MEOX2: variants seen among roughly 807,000 people sequenced by gnomAD.
The protein encoded by MEOX2 is homeobox protein MOX-2.
A neutral mutation model predicts 27.0 loss-of-function variants in MEOX2; 11 were observed. The ratio of observed to expected loss-of-function variants is 0.41; its 90% CI spans 0.26 to 0.68. The LOEUF (loss-of-function observed/expected upper bound fraction) is 0.68, where lower values mean the gene tolerates loss of function less well. Among genes scored for constraint, MEOX2 ranks in the 30% least tolerant of loss-of-function variants. The pLI, the probability that MEOX2 is intolerant of heterozygous loss-of-function variation, is 0.33. For synonymous variants in MEOX2, 189 were observed against 155.4 expected (o/e 1.22, Z -1.61); for missense variants, 436 against 385.4 (o/e 1.13, Z -1.10).
intron 1 of MEOX2, among the ~76,000 whole-genome samples, chr7:15,660,874 A>G (rs1159121160): frequency 1.3e-5 from 2 of 151,882 alleles, no homozygotes; most frequent in Non-Finnish European, 2.9e-5. Context: ...TCAGCCAGGC[A>G]TGATGGCGGG....
chr7:15,670,258 G>T (rs1316524018), intron 1 of MEOX2, among the ~76,000 whole-genome samples: 1 of 152,174 alleles, frequency 6.6e-6, no homozygotes, highest in Non-Finnish European at 1.5e-5. Flanking sequence ...TCAAAACAAT[G>T]AATGCATTTT....
intron 1 of MEOX2, chr7:15,680,028 A>C (rs1782267562): frequency 6.6e-6 from 1 of 151,942 alleles, no homozygotes; most frequent in South Asian, 2.1e-4. Context: ...TTATAAATGA[A>C]AGCTTCAGGA....
At chr7:15,667,420 C>G (rs1782027462) in intron 1 of MEOX2, among the ~76,000 whole-genome samples, 1 of 151,690 alleles carries the variant, frequency 6.6e-6, no homozygotes, top group African/African-American at 2.4e-5. Context: ...ATTATACCCT[C>G]TGTCACAGAT....
At chr7:15,656,281 G>C (rs1392687165) in intron 1 of MEOX2, among the ~76,000 whole-genome samples, 1 of 151,564 alleles carries the variant, frequency 6.6e-6, no homozygotes, top group East Asian at 1.9e-4. Flanking sequence ...ATAAATGGTT[G>C]GTTCATGAAG....
chr7:15,683,098 G>C (rs78664492), intron 1 of MEOX2, among the ~76,000 whole-genome samples: 2,900 of 151,936 alleles, frequency 0.019, 94 homozygotes, highest in African/African-American at 0.067. Context: ...TGCTAGAGAA[G>C]CTTACGTATT....
chr7:15,675,339 G>C (rs528258593), intron 1 of MEOX2, among the ~76,000 whole-genome samples: 1 of 152,270 alleles, frequency 6.6e-6, no homozygotes, highest in Admixed American at 6.5e-5. Flanking sequence ...AAAAATGTCT[G>C]AGGTAATCAT....
chr7:15,643,762 T>A (rs915976920), intron 1 of MEOX2, among the ~76,000 whole-genome samples: 1 of 152,190 alleles, frequency 6.6e-6, no homozygotes. Context: ...CACTCTTCTC[T>A]GTTTTCTAAC....
At chr7:15,617,244 C>A (rs1448890068) in intron 2 of MEOX2, among the ~76,000 whole-genome samples, 1 of 152,026 alleles carries the variant, frequency 6.6e-6, no homozygotes, top group Non-Finnish European at 1.5e-5. Context: ...ATTTAATATT[C>A]CAACTGTTTC....
intron 1 of MEOX2, chr7:15,677,415 T>C (rs916378714): frequency 6.6e-6 from 1 of 152,214 alleles, no homozygotes; most frequent in Non-Finnish European, 1.5e-5. Context: ...CTAACTATTG[T>C]GTTCTCCCAG....
intron 1 of MEOX2, 51 bp from the exon 2 acceptor site, chr7:15,626,969 T>G (rs765654736): frequency 1.3e-6 from 2 of 1,529,824 alleles, no homozygotes; most frequent in East Asian, 2.3e-5. Flanking sequence ...TTCAAACACA[T>G]GCAATCATAT....
chr7:15,628,691 TG>T (rs1279117955), intron 1 of MEOX2, among the ~76,000 whole-genome samples: 1 of 152,130 alleles, frequency 6.6e-6, no homozygotes, highest in African/African-American at 2.4e-5. Flanking sequence ...CATGTTTACA[TG>T]GTGCCAACTT....
At position 15,612,531 on chromosome 7, in the gene MEOX2, C is replaced by G; in HGVS notation, c.771G>C (p.Lys257Asn). ...TTCCCTTTTTCACATTCACCAGTTC[C>G]TTTTCCCGAGCCGCAGCTCCTTGCT... ...GGQQGAAAREKELVNVKKGTL... is the reference protein window; with the variant it reads ...GGQQGAAARENELVNVKKGTL... Residue 257 changes from lysine (K) to asparagine (N), a missense_variant, in exon 3 of 3, where the codon AAG (lysine) becomes AAC (asparagine). Transcript: ENST00000262041. The G allele has an allele frequency of 6.2e-7, 1 of 1,614,182 alleles. No homozygotes were observed. The highest frequency in any genetic ancestry group is 8.5e-7 in the Non-Finnish European group (1 of 1,180,040).
At position 15,612,416 on chromosome 7, in the gene MEOX2, C is replaced by T. The variant is rs751045886; in HGVS notation, c.886G>A (p.Asp296Asn). The T allele has an allele frequency of 3.7e-6, 6 of 1,614,126 alleles. No individual in the cohort carries two copies. Among genetic ancestry groups the T allele is most frequent in the Non-Finnish European group, 5.1e-6 (6 of 1,180,012 alleles). ...AAGTGCGCATGCTCTGAGCTGTGGT[C>T]ACTGTCGTGACTGTCTTCATTTGCT... ...SIANEDSHDS[D>N]HSSEHAHL Residue 296 changes from aspartate (D) to asparagine (N), a missense_variant, in exon 3 of 3, where the codon GAC becomes AAC. By Grantham distance (23) the Asp-to-Asn change is conservative. Coordinates refer to ENST00000262041, the MANE Select transcript of MEOX2 (RefSeq NM_005924.5).
chr7:15,644,366 G>T (rs551519906), intron 1 of MEOX2, among the ~76,000 whole-genome samples: 1 of 152,166 alleles, frequency 6.6e-6, no homozygotes, highest in Non-Finnish European at 1.5e-5. Flanking sequence ...GGTGCCTGGA[G>T]TTTCCCTCTT....
intron 2 of MEOX2, among the ~76,000 whole-genome samples, chr7:15,619,879 C>G (rs1188780900): frequency 6.6e-6 from 1 of 151,998 alleles, no homozygotes; most frequent in Non-Finnish European, 1.5e-5. Context: ...TTACTTTATA[C>G]AGGTAATATT....
rs963033008 is a variant in MEOX2 at position 15,679,245 on chromosome 7, C to T, written c.517+6641G>A. ...TATGTATATACATATATAAAGTAAA[C>T]GCCTTCTTTTAACGTGTGTTTTAAG... On this transcript the variant is annotated intron_variant, in intron 1 of 2. Transcript: ENST00000262041. 10 of 151,958 alleles carry T rather than the reference C, an allele frequency of 6.6e-5. No homozygotes were observed. The South Asian group carries it at 1.0e-3, about 16-fold the overall frequency. The allele number at this position is 151,958 out of a possible 1,614,324, so 9.4% of individuals were successfully genotyped here. A position where few individuals can be genotyped will look rare whatever the true frequency, so the allele number is the denominator to read the frequency against.
chr7:15,660,382 G>A (rs1346720755), intron 1 of MEOX2, among the ~76,000 whole-genome samples: 1 of 152,092 alleles, frequency 6.6e-6, no homozygotes, highest in African/African-American at 2.4e-5. Flanking sequence ...TATGCCTGAA[G>A]AATAGAAACC....
At chr7:15,635,587 C>T (rs1362246938) in intron 1 of MEOX2, among the ~76,000 whole-genome samples, 4 of 151,820 alleles carry the variant, frequency 2.6e-5, no homozygotes, top group African/African-American at 4.8e-5. Flanking sequence ...AAACTCTAGC[C>T]GTTATTAGGA....
At chr7:15,633,826 G>T (rs1781440157) in intron 1 of MEOX2, among the ~76,000 whole-genome samples, 1 of 151,644 alleles carries the variant, frequency 6.6e-6, no homozygotes, top group African/African-American at 2.4e-5. Context: ...CCTCATCTTT[G>T]TATTTCTAAT....
Sources: gnomAD v4.1 joint callset for allele counts (sites outside exome capture counted in the v4.1 genomes callset) on GRCh38, gnomAD v4.1.1 for gene constraint, MANE v1.5 for transcripts, NCBI Gene and HGNC (gene_info 2026-07-23, HGNC 2026-07-21) for gene names.